Variants in CTDSPL observed in about 807,000 individuals in gnomAD.
CTDSPL encodes CTD small phosphatase like.
A neutral mutation model predicts 30.5 loss-of-function variants in CTDSPL; 8 were observed. That is an observed-to-expected ratio of 0.26 (90% confidence interval 0.15 to 0.47). The LOEUF (loss-of-function observed/expected upper bound fraction) is 0.47, where lower values mean the gene tolerates loss of function less well. CTDSPL is among the 20% of genes least tolerant of loss of function. CTDSPL has a pLI of 0.99. For synonymous variants in CTDSPL, 110 were observed against 137.9 expected (o/e 0.80, Z 1.42); for missense variants, 248 against 366.1 (o/e 0.68, Z 2.63).
intron 7 of CTDSPL, among the ~76,000 whole-genome samples, chr3:37,978,037 C>G (rs933647157): frequency 6.6e-6 from 1 of 152,180 alleles, no homozygotes; most frequent in African/African-American, 2.4e-5. Flanking sequence ...TTAGCCTGAT[C>G]CATCTATTAT....
intron 1 of CTDSPL, among the ~76,000 whole-genome samples, chr3:37,929,177 A>T (rs1698820443): frequency 6.6e-6 from 1 of 152,136 alleles, no homozygotes; most frequent in South Asian, 2.1e-4. Flanking sequence ...TTTAATTACC[A>T]TAGCTTTGTA....
At chr3:37,954,772 T>C (rs1699150460) in intron 2 of CTDSPL, 1 of 152,230 alleles carries the variant, frequency 6.6e-6, no homozygotes, top group Non-Finnish European at 1.5e-5. Context: ...ACCAGAAGCC[T>C]CCAGGGGCTG....
chr3:37,975,971 C>T lies in CTDSPL; in HGVS notation c.705+77C>T. On this transcript the variant is annotated intron_variant, in intron 7 of 7. Transcript: ENST00000273179. This position sits in a 1 kb window ranked among gnomAD's most constrained non-coding sequence, Gnocchi z 4.9. Reference sequence around the variant, plus strand: ...TTGCCAGGCAGGTACCACTTTTGAGCACCTACACAAGAAGGTCTCTGGGCC... The same window carrying T: ...TTGCCAGGCAGGTACCACTTTTGAGTACCTACACAAGAAGGTCTCTGGGCC... 15 of 1,456,340 alleles carry T rather than the reference C, an allele frequency of 1.0e-5. 1 individual carries two copies. The South Asian group carries it at 1.7e-4, about 16-fold the overall frequency. The allele number at this position is 1,456,340 out of a possible 1,614,324, so 90.2% of individuals were successfully genotyped here. A position where few individuals can be genotyped will look rare whatever the true frequency, so the allele number is the denominator to read the frequency against.
intron 1 of CTDSPL, among the ~76,000 whole-genome samples, chr3:37,892,302 A>G (rs1698336835): frequency 6.6e-6 from 1 of 152,220 alleles, no homozygotes; most frequent in African/African-American, 2.4e-5. Context: ...CAGTGTTCCT[A>G]TTAAAAAAGG....
intron 7 of CTDSPL, among the ~76,000 whole-genome samples, chr3:37,976,584 A>C (rs536336893): frequency 3.3e-5 from 5 of 151,590 alleles, no homozygotes; most frequent in Admixed American, 6.6e-5. Context: ...GTGAGCTGAG[A>C]TCCCACCACT....
chr3:37,878,536 G>T (rs928443953), intron 1 of CTDSPL, among the ~76,000 whole-genome samples: 2 of 152,216 alleles, frequency 1.3e-5, no homozygotes, highest in African/African-American at 2.4e-5. Context: ...CTTAAATTTT[G>T]ATCGCTTTCC....
intron 3 of CTDSPL, 48 bp downstream of exon 3, chr3:37,957,191 T>G: frequency 2.2e-6 from 3 of 1,384,076 alleles, no homozygotes; most frequent in Non-Finnish European, 3.0e-6. Flanking sequence ...CATAAAATCT[T>G]GTGGCTTTGG....
intron 1 of CTDSPL, among the ~76,000 whole-genome samples, chr3:37,941,170 A>G (rs1036905438): frequency 2.7e-5 from 4 of 150,280 alleles, no homozygotes; most frequent in African/African-American, 7.3e-5. Flanking sequence ...ACAGAGCCAC[A>G]TGCTACCCTG....
At chr3:37,868,817 TAA>T (rs1392783552) in intron 1 of CTDSPL, among the ~76,000 whole-genome samples, 1 of 152,152 alleles carries the variant, frequency 6.6e-6, no homozygotes, top group Non-Finnish European at 1.5e-5. Context: ...AGCTAAATAA[TAA>T]GTCATGATAT....
At chr3:37,893,725 A>T (rs1036982780) in intron 1 of CTDSPL, among the ~76,000 whole-genome samples, 8 of 152,182 alleles carry the variant, frequency 5.3e-5, no homozygotes, top group African/African-American at 1.4e-4. Context: ...ATAATTGCGG[A>T]AAAGGAGGAA....
intron 1 of CTDSPL, among the ~76,000 whole-genome samples, chr3:37,939,278 C>T (rs544776467): frequency 6.7e-5 from 10 of 150,288 alleles, no homozygotes; most frequent in Admixed American, 6.0e-4. Context: ...TACAATAGTC[C>T]TGTGGGGTAG....
In CTDSPL at chr3:37,983,175, G is replaced by A. The variant is rs938747067; in HGVS notation, c.*2308G>A. On this transcript the variant is annotated 3_prime_UTR_variant, in exon 8 of 8. Coordinates refer to ENST00000273179, the MANE Select transcript of CTDSPL (RefSeq NM_001008392.2). The stretch of plus-strand genomic sequence containing the variant: ...CCACGGACACAGAATGTCTGGAGAG[G>A]GCCAGCAGGCCCTCTGAGGGTTCTG... The A allele has an allele frequency of 2.0e-5, 3 of 152,420 alleles. No homozygotes were observed. Among genetic ancestry groups the A allele is most frequent in the Non-Finnish European group, 2.9e-5 (2 of 68,276 alleles). 9.4% of individuals were successfully genotyped at this position (152,420 alleles called of 1,614,324 possible).
At chr3:37,887,488 C>A (rs1288583405) in intron 1 of CTDSPL, among the ~76,000 whole-genome samples, 1 of 152,154 alleles carries the variant, frequency 6.6e-6, no homozygotes, top group African/African-American at 2.4e-5. Flanking sequence ...TATCCCAGTT[C>A]CACGGTTTCT....
intron 1 of CTDSPL, among the ~76,000 whole-genome samples, chr3:37,883,690 ATACTT>A (rs1248058561): frequency 9.2e-5 from 14 of 152,222 alleles, no homozygotes; most frequent in Non-Finnish European, 8.8e-5. Flanking sequence ...ACTTAGTAGA[ATACTT>A]TAGTGAAGCC....
intron 5 of CTDSPL, among the ~76,000 whole-genome samples, chr3:37,970,459 A>G (rs755337826): frequency 1.3e-5 from 2 of 152,230 alleles, no homozygotes; most frequent in Non-Finnish European, 2.9e-5. Context: ...AACATGCTGA[A>G]TTGAATTTTA....
At chr3:37,926,217 T>C (rs572359067) in intron 1 of CTDSPL, among the ~76,000 whole-genome samples, 2 of 152,158 alleles carry the variant, frequency 1.3e-5, no homozygotes, top group East Asian at 3.9e-4. Flanking sequence ...CACAATTAAG[T>C]GGGGCAAATA....
At chr3:37,927,684 G>GTATATA (rs71094933) in intron 1 of CTDSPL, among the ~76,000 whole-genome samples, 77 of 117,774 alleles carry the variant, frequency 6.5e-4, no homozygotes, top group Middle Eastern at 4.7e-3. Context: ...GTGTGTATGT[G>GTATATA]TATATATATA....
chr3:37,882,820 A>G (rs76111190), intron 1 of CTDSPL, among the ~76,000 whole-genome samples: 2,185 of 152,330 alleles, frequency 0.014, 24 homozygotes, highest in South Asian at 0.032. Context: ...AAGGGGGTTC[A>G]GGTGATCCTC....
rs779729778 is a variant in CTDSPL, at chr3:37,941,636, C to T, written c.80-5421C>T. On this transcript the variant is annotated intron_variant, in intron 1 of 7. Transcript: ENST00000273179. ...AACTTCTGGCCTCAGGTGATCTGCC[C>T]GCCTTGGCCTCCCCAAGTGCTGGGA... Among the ~76,000 whole-genome samples the T allele has an allele frequency of 4.0e-5, 6 of 150,024 alleles. 1 individual carries two copies. The highest frequency in any genetic ancestry group is 4.5e-5 in the Non-Finnish European group (3 of 66,936).
Sources: gnomAD v4.1 joint callset for allele counts (sites outside exome capture counted in the v4.1 genomes callset) on GRCh38, gnomAD v4.1.1 for gene constraint, Gnocchi (gnomAD v3.1) non-coding constraint, MANE v1.5 for transcripts, NCBI Gene and HGNC (gene_info 2026-07-23, HGNC 2026-07-21) for gene names.